Variants in JPH3 observed in about 807,000 individuals in gnomAD.
The protein encoded by JPH3 is junctophilin-3.
A neutral mutation model predicts 59.6 loss-of-function variants in JPH3; 11 were observed. That is an observed-to-expected ratio of 0.18 (90% confidence interval 0.12 to 0.31). The LOEUF is 0.31. JPH3 is among the 10% of genes least tolerant of loss of function. JPH3 has a pLI of 1.00. For synonymous variants in JPH3, 673 were observed against 483.6 expected (o/e 1.39, Z -5.14); for missense variants, 1,202 against 1,105.7 (o/e 1.09, Z -1.24).
intron 1 of JPH3, among the ~76,000 whole-genome samples, chr16:87,620,439 G>GGAGAGAGAGAGAGAAGGA (rs1351643601): frequency 6.5e-5 from 7 of 107,674 alleles, no homozygotes; most frequent in Admixed American, 2.0e-4. Context: ...GGGAGGGGAG[G>GGAGAGAGAGAGAGAAGGA]GAGAGAGAGA....
At chr16:87,659,901 C>T (rs1033946556) in intron 2 of JPH3, among the ~76,000 whole-genome samples, 4 of 152,180 alleles carry the variant, frequency 2.6e-5, no homozygotes, top group Non-Finnish European at 4.4e-5. Context: ...CTCCCCCAGC[C>T]TGGGGATTAG....
intron 2 of JPH3, among the ~76,000 whole-genome samples, chr16:87,673,033 C>A (rs994968386): frequency 6.6e-6 from 1 of 151,972 alleles, no homozygotes; most frequent in Non-Finnish European, 1.5e-5. Flanking sequence ...GTAATCCCGG[C>A]TACTTGGGAG....
At chr16:87,645,959 C>A (rs544287953) in intron 2 of JPH3, among the ~76,000 whole-genome samples, 1 of 152,212 alleles carries the variant, frequency 6.6e-6, no homozygotes, top group Non-Finnish European at 1.5e-5. Context: ...AAACCCAGAG[C>A]CTTTGCTTTC....
chr16:87,604,634 G>GCT, intron 1 of JPH3: 1 of 1,185,784 alleles, frequency 8.4e-7, no homozygotes, highest in Non-Finnish European at 1.1e-6. Context: ...GCGTACGTGT[G>GCT]CTCTAGTCCT....
At chr16:87,672,163 A>G (rs2033034021) in intron 2 of JPH3, among the ~76,000 whole-genome samples, 1 of 152,114 alleles carries the variant, frequency 6.6e-6, no homozygotes, top group Non-Finnish European at 1.5e-5. Context: ...CACTGAGTCT[A>G]AACATAGGCT....
At chr16:87,688,403 C>T (rs952187385) in intron 3 of JPH3, among the ~76,000 whole-genome samples, 7 of 152,266 alleles carry the variant, frequency 4.6e-5, no homozygotes, top group Admixed American at 2.0e-4. Flanking sequence ...TCTTTACAAA[C>T]GGAGGGACTA....
intron 1 of JPH3, among the ~76,000 whole-genome samples, chr16:87,632,326 G>A (rs978457755): frequency 6.6e-6 from 1 of 152,174 alleles, no homozygotes; most frequent in Non-Finnish European, 1.5e-5. Context: ...CTGCCTGGTG[G>A]GCTTGTCTGA....
intron 1 of JPH3, among the ~76,000 whole-genome samples, chr16:87,614,458 A>G (rs2030865509): frequency 6.6e-6 from 1 of 151,482 alleles, no homozygotes; most frequent in African/African-American, 2.4e-5. Context: ...CCCTCCCAGG[A>G]TAAGTGCTGG....
At chr16:87,656,012 G>A (rs1163536834) in intron 2 of JPH3, among the ~76,000 whole-genome samples, 2 of 152,238 alleles carry the variant, frequency 1.3e-5, no homozygotes, top group African/African-American at 4.8e-5. Context: ...GCGTGGCAGT[G>A]GAGCCTCGAT....
intron 1 of JPH3, among the ~76,000 whole-genome samples, chr16:87,643,140 T>C (rs967884641): frequency 6.6e-6 from 1 of 152,208 alleles, no homozygotes; most frequent in African/African-American, 2.4e-5. Flanking sequence ...AATCATCCGA[T>C]ATGTGGCCTT....
chr16:87,615,878 A>G (rs2030937917), intron 1 of JPH3, among the ~76,000 whole-genome samples: 1 of 152,198 alleles, frequency 6.6e-6, no homozygotes, highest in Non-Finnish European at 1.5e-5. Context: ...ACCCGACAGC[A>G]GAGGAGACCT....
At chr16:87,687,176 G>T (rs1463051289) in intron 3 of JPH3, among the ~76,000 whole-genome samples, 1 of 152,170 alleles carries the variant, frequency 6.6e-6, no homozygotes, top group Non-Finnish European at 1.5e-5. Context: ...GCTGGGGAGG[G>T]GTGGGGCTGG....
At chr16:87,670,173 G>A (rs1220689729) in intron 2 of JPH3, among the ~76,000 whole-genome samples, 1 of 152,296 alleles carries the variant, frequency 6.6e-6, no homozygotes, top group African/African-American at 2.4e-5. Context: ...GCCGATGTGG[G>A]CAACTGTTGC....
At chr16:87,678,585 C>G (rs113425399) in intron 2 of JPH3, among the ~76,000 whole-genome samples, 31 of 152,294 alleles carry the variant, frequency 2.0e-4, no homozygotes, top group African/African-American at 7.2e-4. Flanking sequence ...TGTATACACA[C>G]TCACATACTC....
chr16:87,684,196 C>T lies in JPH3; in HGVS notation c.1215C>T (p.Ala405=), dbSNP rs778313702. The T allele has an allele frequency of 5.0e-6, 8 of 1,613,948 alleles. No homozygotes were observed. Among genetic ancestry groups the T allele is most frequent in the Non-Finnish European group, 6.8e-6 (8 of 1,180,018 alleles). Residue 405 remains alanine, a synonymous_variant, in exon 3 of 5, where the codon GCC becomes GCT. Transcript: ENST00000284262. ...CAGCCCTCACAGCAGCTCAGAAAGC[C>T]CAGGAGGAGGCGCGGATCGCCAGGA... is the stretch of plus-strand genomic sequence containing the variant. The part of the protein sequence containing the change: ...AEAALTAAQK[A]QEEARIARIT...
intron 1 of JPH3, among the ~76,000 whole-genome samples, chr16:87,622,218 T>A (rs1484712401): frequency 6.6e-6 from 1 of 152,184 alleles, no homozygotes; most frequent in East Asian, 1.9e-4. Flanking sequence ...CCTCAGCTGG[T>A]CCTGTGCGTC....
intron 1 of JPH3, among the ~76,000 whole-genome samples, chr16:87,639,642 G>GGCCTCCCGCCTGTCCTCCCT (rs2031876579): frequency 2.1e-5 from 2 of 95,474 alleles, no homozygotes; most frequent in Admixed American, 1.2e-4. Flanking sequence ...CTGGCCTCCC[G>GGCCTCCCGCCTGTCCTCCCT]CCTGTCCTCC....
chr16:87,689,854 C>G lies in JPH3; in HGVS notation c.1494C>G (p.Val498=). Residue 498 remains valine, a synonymous_variant, in exon 4 of 5, where the codon GTC becomes GTG. Coordinates refer to ENST00000284262, the MANE Select transcript of JPH3 (RefSeq NM_020655.4). ...CCGCGCCCGCCGCCAGGAACAAGGT[C>G]GCCCACTTCTCGAGGCAGGTGTCGG... is the stretch of plus-strand genomic sequence containing the variant. ...PPPAPAARNK[V]AHFSRQVSVD... 2 of 1,517,978 alleles carry G rather than the reference C, an allele frequency of 1.3e-6. No individual in the cohort carries two copies. Among genetic ancestry groups the G allele is most frequent in the Non-Finnish European group, 1.8e-6 (2 of 1,133,362 alleles). The allele number at this position is 1,517,978 out of a possible 1,614,324, so 94.0% of individuals were successfully genotyped here.
intron 2 of JPH3, among the ~76,000 whole-genome samples, chr16:87,660,417 A>G (rs925829199): frequency 2.0e-5 from 3 of 152,100 alleles, no homozygotes; most frequent in Non-Finnish European, 2.9e-5. Context: ...GCCTCCCCAG[A>G]GAGCCTCTCC....
Sources: allele counts gnomAD v4.1 joint callset (sites outside exome capture counted in the v4.1 genomes callset), GRCh38; gene constraint gnomAD v4.1.1; transcripts MANE v1.5; gene names NCBI Gene and HGNC (gene_info 2026-07-23, HGNC 2026-07-21).